Variants in TMPRSS15 observed in about 807,000 individuals in gnomAD.
TMPRSS15 encodes enteropeptidase.
TMPRSS15 carries 128 observed loss-of-function variants against 125.3 expected under a neutral mutation model. The observed-to-expected ratio is 1.02, with a 90% CI of 0.89 to 1.18. The LOEUF (loss-of-function observed/expected upper bound fraction) is 1.18. Ranked by LOEUF, TMPRSS15 falls within the 50% of genes most tolerant of loss-of-function variation. TMPRSS15 has a pLI of 0.00. For synonymous variants in TMPRSS15, 446 were observed against 423.2 expected (o/e 1.05, Z -0.66); for missense variants, 1,283 against 1,212.7 (o/e 1.06, Z -0.86).
At chr21:18,464,572 G>A (rs1203967403) in intron 1 of TMPRSS15, among the ~76,000 whole-genome samples, 1 of 152,058 alleles carries the variant, frequency 6.6e-6, no homozygotes, top group Non-Finnish European at 1.5e-5. Flanking sequence ...ATATGATAAA[G>A]GGGATATCAC....
At chr21:18,473,451 C>T (rs1159909864) in intron 1 of TMPRSS15, among the ~76,000 whole-genome samples, 10 of 151,986 alleles carry the variant, frequency 6.6e-5, no homozygotes, top group African/African-American at 2.2e-4. Flanking sequence ...AAAAAAGAAC[C>T]TCATAATATA....
intron 10 of TMPRSS15, among the ~76,000 whole-genome samples, chr21:18,350,415 T>C (rs1329285267): frequency 6.6e-6 from 1 of 152,110 alleles, no homozygotes; most frequent in Non-Finnish European, 1.5e-5. Flanking sequence ...GAATCTGACC[T>C]TTTCTCACCA....
rs973502843 is a variant in TMPRSS15, at chr21:18,398,035, T to C, written c.277-89A>G. ...TTTATACAAAGCAATCTTTATGTTC[T>C]GCTTAGAGTTGGGGCAATTTTCTCC... On this transcript the variant is annotated intron_variant, in intron 2 of 24. Coordinates refer to ENST00000284885, the MANE Select transcript of TMPRSS15 (RefSeq NM_002772.3). 4.1e-6 allele frequency: 5 copies of C among 1,231,752 alleles called. No individual in the cohort carries two copies. The Admixed American group carries it at 1.1e-4, about 26-fold the overall frequency. 76.3% of individuals were successfully genotyped at this position (1,231,752 alleles called of 1,614,324 possible).
chr21:18,347,365 T>C, intron 10 of TMPRSS15, among the ~76,000 whole-genome samples: 1 of 152,020 alleles, frequency 6.6e-6, no homozygotes, highest in East Asian at 1.9e-4. Flanking sequence ...GCCTCCAGAG[T>C]AGCTGGGACT....
intron 21 of TMPRSS15, among the ~76,000 whole-genome samples, chr21:18,293,313 C>CGGTTCTTTCCTCGTCAATGCCT (rs1201364063): frequency 1.5e-4 from 23 of 152,084 alleles, no homozygotes; most frequent in Non-Finnish European, 2.6e-4. Context: ...CGTCCATGCC[C>CGGTTCTTTCCTCGTCAATGCCT]GGTTCTTTCC....
intron 8 of TMPRSS15, among the ~76,000 whole-genome samples, chr21:18,358,498 T>C (rs1269049464): frequency 2.6e-5 from 4 of 151,956 alleles, no homozygotes; most frequent in South Asian, 4.1e-4. Context: ...CTATCAGCTA[T>C]AGAAATAGAT....
chr21:18,287,700 A>G (rs2074782159), intron 21 of TMPRSS15, among the ~76,000 whole-genome samples: 1 of 152,228 alleles, frequency 6.6e-6, no homozygotes, highest in Admixed American at 6.5e-5. Flanking sequence ...GTCAAGAGAG[A>G]CTTACAGGAA....
intron 21 of TMPRSS15, among the ~76,000 whole-genome samples, chr21:18,290,826 G>A (rs1291455716): frequency 4.5e-5 from 3 of 67,266 alleles, no homozygotes; most frequent in Admixed American, 1.2e-4. Flanking sequence ...AACCTACTAC[G>A]AAATTGTTCA....
At chr21:18,362,943 C>G (rs1267059873) in intron 7 of TMPRSS15, among the ~76,000 whole-genome samples, 1 of 152,120 alleles carries the variant, frequency 6.6e-6, no homozygotes, top group Non-Finnish European at 1.5e-5. Context: ...CACAAACTGT[C>G]TCCAATAACT....
In TMPRSS15 at chr21:18,278,947, T is replaced by TTGGG; in HGVS notation, c.2764+16_2764+17insCCCA. On this transcript the variant is annotated intron_variant, in intron 23 of 24. Transcript: ENST00000284885. ...AGGTTTTTTTTTTTTTTTTTTTTTT[T>TTGGG]GAGTCTGATAATTTACCTTGATATA... 1 of 884,078 alleles carries TTGGG rather than the reference T, an allele frequency of 1.1e-6. No individual in the cohort carries two copies. The highest frequency in any genetic ancestry group is 1.7e-6 in the Non-Finnish European group (1 of 580,766). The allele number at this position is 884,078 out of a possible 1,614,324, so 54.8% of individuals were successfully genotyped here.
chr21:18,371,665 C>T (rs1245523656), intron 6 of TMPRSS15, among the ~76,000 whole-genome samples: 3 of 151,998 alleles, frequency 2.0e-5, no homozygotes, highest in Non-Finnish European at 2.9e-5. Flanking sequence ...TATCTTATTT[C>T]TACTATTTAT....
At chr21:18,452,028 T>G (rs186320018) in intron 1 of TMPRSS15, among the ~76,000 whole-genome samples, 49 of 152,280 alleles carry the variant, frequency 3.2e-4, no homozygotes, top group Non-Finnish European at 6.0e-4. Flanking sequence ...TCATTATGAT[T>G]TTACTCGAGA....
intron 1 of TMPRSS15, among the ~76,000 whole-genome samples, chr21:18,408,896 T>G (rs1159789477): frequency 6.6e-6 from 1 of 152,158 alleles, no homozygotes; most frequent in East Asian, 1.9e-4. Context: ...AATATTGAAC[T>G]AGTCCTCCTT....
In TMPRSS15 at chr21:18,359,818, A is replaced by G; in HGVS notation, c.819T>C (p.Asn273=). 1 of 1,538,128 alleles carries G rather than the reference A, an allele frequency of 6.5e-7. No homozygotes were observed. The highest frequency in any genetic ancestry group is 9.0e-7 in the Non-Finnish European group (1 of 1,113,184). ...LSIKLSFDDF[N]TYYTDILDIY... ...TATCTAATATATCTGTATAATATGT[A>G]TTAAAATCATCGAAGCTCAGTTTAA... Residue 273 remains asparagine, a synonymous_variant, in exon 8 of 25, where the codon AAT becomes AAC. Transcript: ENST00000284885.
intron 10 of TMPRSS15, among the ~76,000 whole-genome samples, chr21:18,350,375 C>T (rs2075554151): frequency 1.3e-5 from 2 of 152,098 alleles, no homozygotes; most frequent in Non-Finnish European, 2.9e-5. Context: ...TTAGCTGGAT[C>T]CTGTTGGCTT....
intron 12 of TMPRSS15, among the ~76,000 whole-genome samples, chr21:18,342,034 C>T (rs1176333628): frequency 3.9e-5 from 6 of 152,034 alleles, no homozygotes; most frequent in East Asian, 1.9e-4. Flanking sequence ...GAGTGTAAAA[C>T]GATCATTCAG....
rs1249114086 is a variant in TMPRSS15 at position 18,365,697 on chromosome 21, TCCTA to T, written c.665-453_665-450del. 3.7e-3 allele frequency among the ~76,000 whole-genome samples: 520 copies of T among 138,940 alleles called. 20 individuals carry two copies. Among genetic ancestry groups the T allele is most frequent in the African/African-American group, 0.014 (493 of 35,856 alleles). The allele number at this position is 138,940 out of a possible 152,430, so 91.2% of individuals were successfully genotyped here. A position where few individuals can be genotyped will look rare whatever the true frequency, so the allele number is the denominator to read the frequency against. ...TTCCTTCCTTCCTTCCTTCCTTCCT[TCCTA>T]CCTTCTCTCTCTCTCTTTCTTTCTC... On this transcript the variant is annotated intron_variant, in intron 6 of 24. Coordinates refer to ENST00000284885, the MANE Select transcript of TMPRSS15 (RefSeq NM_002772.3).
Position 18,341,416 on chromosome 21 carries a change from G to A in TMPRSS15, c.1561C>T (p.Pro521Ser). Reference sequence around the variant, plus strand: ...AATACACATGAAGGTTACTTACTAGGAAGTTCTGGTGGAGGAGTTGGCACC... The same window carrying A: ...AATACACATGAAGGTTACTTACTAGAAAGTTCTGGTGGAGGAGTTGGCACC... ...TLVPTPPPEL[P>S]TDCGGPFELW... is the part of the protein sequence containing the mutation. Residue 521 changes from proline to serine, a missense_variant, in exon 13 of 25, where the codon CCT (proline) becomes TCT (serine). Transcript: ENST00000284885. 2 of 1,614,106 alleles carry A rather than the reference G, an allele frequency of 1.2e-6. No individual in the cohort carries two copies. The highest frequency in any genetic ancestry group is 1.7e-6 in the Non-Finnish European group (2 of 1,179,992).
intron 12 of TMPRSS15, among the ~76,000 whole-genome samples, chr21:18,342,111 C>T (rs537336511): frequency 2.6e-5 from 4 of 152,044 alleles, no homozygotes; most frequent in South Asian, 2.1e-4. Flanking sequence ...GGGTGGTGCC[C>T]GGAGGACACA....
Sources: allele counts gnomAD v4.1 joint callset (sites outside exome capture counted in the v4.1 genomes callset), GRCh38; gene constraint gnomAD v4.1.1; transcripts MANE v1.5; gene names NCBI Gene and HGNC (gene_info 2026-07-23, HGNC 2026-07-21).